Variants in OPHN1 observed in about 807,000 individuals in gnomAD.
The protein encoded by OPHN1 is oligophrenin 1.
Under a neutral mutation model 60.7 loss-of-function variants are expected in OPHN1, and 11 were observed. That is an observed-to-expected ratio of 0.18 (90% CI 0.11 to 0.30). The LOEUF (loss-of-function observed/expected upper bound fraction) is 0.30, where lower values mean the gene tolerates loss of function less well. Ranked by LOEUF, OPHN1 falls within the 10% of genes least tolerant of loss-of-function variation. The probability of loss-of-function intolerance (pLI) is 1.00; values close to 1 mark genes in which losing one functional copy is unlikely to be tolerated. For missense variants in OPHN1, 449 were observed against 611.0 expected (o/e 0.73, Z 2.80); for synonymous variants, 226 against 222.6 (o/e 1.02, Z -0.14).
intron 20 of OPHN1, chrX:68,071,627 G>T: frequency 1.8e-6 from 1 of 563,298 alleles, no homozygotes; most frequent in Non-Finnish European, 3.3e-6. Flanking sequence ...AGCAGAATTT[G>T]ATGCTTAAGA....
At chrX:68,217,027 T>C (rs759907902) in intron 6 of OPHN1, among the ~76,000 whole-genome samples, 9 of 111,343 alleles carry the variant, frequency 8.1e-5, no homozygotes, top group African/African-American at 9.8e-5. Flanking sequence ...CGGGTTCATC[T>C]CACTAGGGAG....
intron 15 of OPHN1, among the ~76,000 whole-genome samples, chrX:68,185,917 C>G (rs1165424066): frequency 9.0e-6 from 1 of 111,034 alleles, no homozygotes; most frequent in Admixed American, 9.7e-5. Flanking sequence ...CTGTTACAGT[C>G]TCCCAAAGTT....
chrX:68,393,888 T>G (rs1017806073), intron 2 of OPHN1, among the ~76,000 whole-genome samples: 2 of 58,728 alleles, frequency 3.4e-5, no homozygotes, highest in African/African-American at 1.3e-4. Flanking sequence ...AGACTTTGTT[T>G]TTTTTTTTTT....
At chrX:68,323,825 A>G (rs781187970) in intron 2 of OPHN1, among the ~76,000 whole-genome samples, 7 of 112,189 alleles carry the variant, frequency 6.2e-5, no homozygotes, top group African/African-American at 2.3e-4. Flanking sequence ...AGGATAATTG[A>G]ACATTAGAAA....
chrX:68,115,259 C>T (rs1044300393), intron 16 of OPHN1, among the ~76,000 whole-genome samples: 5 of 112,596 alleles, frequency 4.4e-5, no homozygotes, highest in African/African-American at 1.3e-4. Context: ...GTAAACAACA[C>T]TGCTGTTTGT....
At chrX:68,398,674 C>G (rs1037495849) in intron 2 of OPHN1, among the ~76,000 whole-genome samples, 1 of 111,579 alleles carries the variant, frequency 9.0e-6, no homozygotes, top group African/African-American at 3.3e-5. Flanking sequence ...TCTGGCCAGG[C>G]CCAGTGACTC....
intron 15 of OPHN1, among the ~76,000 whole-genome samples, chrX:68,140,721 C>T (rs1910542966): frequency 9.1e-6 from 1 of 109,667 alleles, no homozygotes; most frequent in Admixed American, 9.8e-5. Flanking sequence ...TGTCCTACCC[C>T]GCCCCCTATC....
chrX:68,140,531 G>T (rs2077237983), intron 15 of OPHN1, among the ~76,000 whole-genome samples: 1 of 110,376 alleles, frequency 9.1e-6, no homozygotes, highest in Non-Finnish European at 1.9e-5. Flanking sequence ...TGGTGAGGGT[G>T]ATACAGAATG....
chrX:68,239,960 C>T (rs1426489604), intron 5 of OPHN1, among the ~76,000 whole-genome samples: 2 of 111,425 alleles, frequency 1.8e-5, no homozygotes, highest in Admixed American at 9.5e-5. Flanking sequence ...CAGGCACCAG[C>T]CACCATGTCT....
At chrX:68,231,141 A>T (rs941724915) in intron 6 of OPHN1, among the ~76,000 whole-genome samples, 1 of 111,928 alleles carries the variant, frequency 8.9e-6, no homozygotes, top group South Asian at 3.7e-4. Flanking sequence ...TGTTAAGTCA[A>T]ATAAGCCAGG....
intron 2 of OPHN1, among the ~76,000 whole-genome samples, chrX:68,331,349 T>C (rs2078293941): frequency 9.2e-6 from 1 of 108,892 alleles, no homozygotes; most frequent in Admixed American, 1.0e-4. Context: ...AAATTCAGCA[T>C]TGTGGCTGCC....
chrX:68,238,912 T>C (rs1041454990), intron 5 of OPHN1, among the ~76,000 whole-genome samples: 4 of 111,581 alleles, frequency 3.6e-5, no homozygotes, highest in Non-Finnish European at 7.5e-5. Context: ...GCAGCTCGTG[T>C]TAATCAGCTA....
At chrX:68,246,927 G>A (rs765473149) in intron 5 of OPHN1, among the ~76,000 whole-genome samples, 1 of 111,297 alleles carries the variant, frequency 9.0e-6, no homozygotes, top group Non-Finnish European at 1.9e-5. Context: ...GTAAGAGGTG[G>A]GTTAAACTAT....
At chrX:68,158,178 G>A (rs1382809904) in intron 15 of OPHN1, among the ~76,000 whole-genome samples, 2 of 112,415 alleles carry the variant, frequency 1.8e-5, no homozygotes, top group Non-Finnish European at 3.8e-5. Context: ...GTTGAGATCT[G>A]AAGAAAATGG....
Position 68,119,314 on chromosome X carries a change from T to G in OPHN1, c.1295A>C (p.Asp432Ala). The change falls in exon 16 of 25, where the codon GAT (aspartate) becomes GCT (alanine). Residue 432 changes from aspartate to alanine, a missense_variant. Around this residue, in one of 4 missense-constraint regions of OPHN1, gnomAD observed 166 missense variants for 278.4 expected, o/e 0.60. Transcript: ENST00000355520. ...CCAGTCACTATTATGAAAATCAACA[T>G]CTCCTGGGCATTTAGGATCTATTTG... Reference protein sequence around the residue: ...NAFFDPKCPGDVDFHNSDWDI... With the variant: ...NAFFDPKCPGAVDFHNSDWDI... The G allele has an allele frequency of 8.4e-7, 1 of 1,194,464 alleles. No homozygotes were observed. Among genetic ancestry groups the G allele is most frequent in the Non-Finnish European group, 1.1e-6 (1 of 880,320 alleles).
At chrX:68,353,499 G>C (rs1015313033) in intron 2 of OPHN1, among the ~76,000 whole-genome samples, 7 of 108,082 alleles carry the variant, frequency 6.5e-5, no homozygotes, top group Non-Finnish European at 1.1e-4. Flanking sequence ...GCTTGAACCC[G>C]GGAGGAGGAG....
intron 2 of OPHN1, among the ~76,000 whole-genome samples, chrX:68,303,640 T>C (rs7062983): frequency 0.1 from 10,779 of 106,996 alleles, 1,342 homozygotes; most frequent in African/African-American, 0.34. Context: ...AAAAGTGAAA[T>C]TTCATCTCAA....
intron 3 of OPHN1, among the ~76,000 whole-genome samples, chrX:68,293,607 G>C (rs893654605): frequency 1.8e-5 from 2 of 112,194 alleles, no homozygotes; most frequent in Admixed American, 1.9e-4. Context: ...TTCTGGAAAA[G>C]ATGTAGCAAG....
At chrX:68,407,226 A>G (rs2078747766) in intron 2 of OPHN1, among the ~76,000 whole-genome samples, 3 of 112,076 alleles carry the variant, frequency 2.7e-5, no homozygotes, top group Non-Finnish European at 5.6e-5. Context: ...ATAAATAAAT[A>G]CATACATACA....
Sources: gnomAD v4.1 joint callset for allele counts (sites outside exome capture counted in the v4.1 genomes callset) on GRCh38, gnomAD v4.1.1 for gene constraint, gnomAD v4.1.1 regional missense constraint, MANE v1.5 for transcripts, NCBI Gene and HGNC (gene_info 2026-07-23, HGNC 2026-07-21) for gene names.